PKIB: variants seen among roughly 807,000 people sequenced by gnomAD.
The protein encoded by PKIB is PKI-beta.
A neutral mutation model predicts 4.5 loss-of-function variants in PKIB; 2 were observed. That is an observed-to-expected ratio of 0.44 (90% CI 0.18 to 1.39). The LOEUF is 1.39. Among genes scored for constraint, PKIB ranks in the 40% most tolerant of loss-of-function variants. PKIB has a pLI of 0.27. For synonymous variants in PKIB, 38 were observed against 36.0 expected (o/e 1.06, Z -0.20); for missense variants, 94 against 92.6 (o/e 1.02, Z -0.06).
chr6:122,574,843 G>T (rs890804982), intron 2 of PKIB, among the ~76,000 whole-genome samples: 10 of 152,098 alleles, frequency 6.6e-5, no homozygotes, highest in African/African-American at 2.2e-4. Context: ...CTTAGGCAAA[G>T]AATTCATTAT....
At chr6:122,488,097 C>T (rs1238771149) in intron 2 of PKIB, among the ~76,000 whole-genome samples, 1 of 152,020 alleles carries the variant, frequency 6.6e-6, no homozygotes, top group East Asian at 1.9e-4. Flanking sequence ...ATCCAAGGTT[C>T]TTATCTCAAT....
intron 2 of PKIB, among the ~76,000 whole-genome samples, chr6:122,555,406 T>G (rs975542761): frequency 2.0e-5 from 3 of 152,162 alleles, no homozygotes; most frequent in African/African-American, 7.2e-5. Context: ...GAAGTAATAT[T>G]TGAAGGAGGT....
intron 3 of PKIB, among the ~76,000 whole-genome samples, chr6:122,682,678 C>T (rs1777945162): frequency 2.0e-5 from 3 of 152,058 alleles, no homozygotes; most frequent in Admixed American, 6.5e-5. Flanking sequence ...GGGTGCTGCC[C>T]ATCACCTCTC....
intron 3 of PKIB, among the ~76,000 whole-genome samples, chr6:122,703,937 T>G (rs573390125): frequency 6.3e-4 from 82 of 130,414 alleles, no homozygotes; most frequent in East Asian, 2.5e-3. Context: ...TATATATATA[T>G]ATATAGAGAG....
chr6:122,605,285 A>G (rs535801203), upstream of PKIB, among the ~76,000 whole-genome samples: 1 of 152,150 alleles, frequency 6.6e-6, no homozygotes, highest in South Asian at 2.1e-4. Context: ...GGTGGAACTT[A>G]TAGTTTCTGG....
chr6:122,541,614 C>T (rs1408358424), intron 2 of PKIB, among the ~76,000 whole-genome samples: 7 of 151,922 alleles, frequency 4.6e-5, no homozygotes, highest in Non-Finnish European at 8.8e-5. Flanking sequence ...CTGCCCTTAA[C>T]ATTTTTTCCT....
chr6:122,559,061 C>T (rs564287146), intron 2 of PKIB, among the ~76,000 whole-genome samples: 2 of 152,236 alleles, frequency 1.3e-5, no homozygotes, highest in East Asian at 3.9e-4. Context: ...TCATCCAGGT[C>T]ACTGCAAATG....
intron 2 of PKIB, among the ~76,000 whole-genome samples, chr6:122,552,677 C>G (rs1271804533): frequency 6.6e-6 from 1 of 152,098 alleles, no homozygotes; most frequent in African/African-American, 2.4e-5. Flanking sequence ...CACACCCAAC[C>G]CATCTCAGGC....
intron 3 of PKIB, among the ~76,000 whole-genome samples, chr6:122,707,774 G>A (rs1464413888): frequency 6.6e-6 from 1 of 152,076 alleles, no homozygotes; most frequent in Non-Finnish European, 1.5e-5. Context: ...AAACTAAATG[G>A]TGTGTAAAAT....
chr6:122,674,612 T>A (rs2114955540), intron 2 of PKIB, among the ~76,000 whole-genome samples: 1 of 152,342 alleles, frequency 6.6e-6, no homozygotes, highest in Non-Finnish European at 1.5e-5. Flanking sequence ...GTAATATTGG[T>A]ACAATGCCTT....
intron 2 of PKIB, among the ~76,000 whole-genome samples, chr6:122,526,486 G>A (rs1018027186): frequency 6.6e-6 from 1 of 152,072 alleles, no homozygotes; most frequent in South Asian, 2.1e-4. Flanking sequence ...AATGGATGTT[G>A]TGTTAGTAGG....
rs1039606418 is a variant in PKIB, at chr6:122,554,639, A to G, written c.-247-31282A>G. On this transcript the variant is annotated intron_variant, in intron 2 of 6. Transcript: ENST00000392491. ...AAAGGTCATACAGCCAGTATGTTGGAAAACAAGGACTTTAATCAAGGGCTC... is the reference window on the plus strand; with the variant it reads ...AAAGGTCATACAGCCAGTATGTTGGGAAACAAGGACTTTAATCAAGGGCTC... 3.3e-5 allele frequency among the ~76,000 whole-genome samples: 5 copies of G among 152,324 alleles called. No individual in the cohort carries two copies. In the East Asian group the frequency reaches 9.6e-4, roughly 29 times the overall value.
intron 2 of PKIB, among the ~76,000 whole-genome samples, chr6:122,660,695 T>C (rs1443363071): frequency 6.6e-6 from 1 of 152,178 alleles, no homozygotes; most frequent in East Asian, 1.9e-4. Context: ...TTTGCAATTC[T>C]ATAGCCTAAA....
intron 2 of PKIB, among the ~76,000 whole-genome samples, chr6:122,576,784 G>A (rs1300064947): frequency 6.9e-6 from 1 of 143,924 alleles, no homozygotes; most frequent in Non-Finnish European, 1.5e-5. Context: ...ATTTAACATA[G>A]CACATCTTGA....
At chr6:122,615,800 A>G (rs561895084) in intron 1 of PKIB, among the ~76,000 whole-genome samples, 35 of 152,326 alleles carry the variant, frequency 2.3e-4, no homozygotes, top group African/African-American at 8.4e-4. Flanking sequence ...AGGGATGCCA[A>G]GGTTTGCTGG....
intron 2 of PKIB, among the ~76,000 whole-genome samples, chr6:122,520,661 T>TTCCTCCC (rs1562237597): frequency 9.0e-5 from 5 of 55,540 alleles, no homozygotes; most frequent in Non-Finnish European, 1.9e-4. Context: ...AAGTTTATGT[T>TTCCTCCC]CCCACCCCCC....
At chr6:122,584,946 C>T (rs1310405085) in intron 2 of PKIB, among the ~76,000 whole-genome samples, 2 of 146,992 alleles carry the variant, frequency 1.4e-5, no homozygotes, top group Admixed American at 6.8e-5. Context: ...GCCATGGCAA[C>T]ATCTGTAAGT....
At chr6:122,491,613 GA>G (rs948878090) in intron 2 of PKIB, among the ~76,000 whole-genome samples, 1 of 152,186 alleles carries the variant, frequency 6.6e-6, no homozygotes, top group African/African-American at 2.4e-5. Context: ...GTGAACAGCT[GA>G]AAGATGTCTG....
In PKIB at chr6:122,726,068, G is replaced by A. The variant is rs1037460208; in HGVS notation, c.*873G>A. The A allele has an allele frequency of 6.6e-6, 1 of 151,838 alleles. No homozygotes were observed. Among genetic ancestry groups the A allele is most frequent in the Non-Finnish European group, 1.5e-5 (1 of 67,978 alleles). 9.4% of individuals were successfully genotyped at this position (151,838 alleles called of 1,614,324 possible). On this transcript the variant is annotated 3_prime_UTR_variant, in exon 5 of 5. Transcript: ENST00000368452. The stretch of plus-strand genomic sequence containing the variant: ...ATATTTTTTTAAAGTAGCTAACATA[G>A]CAGTAGGCACTTAAGCATTTAGTCA...
Sources: allele counts gnomAD v4.1 joint callset (sites outside exome capture counted in the v4.1 genomes callset), GRCh38; gene constraint gnomAD v4.1.1; transcripts MANE v1.5; gene names NCBI Gene and HGNC (gene_info 2026-07-23, HGNC 2026-07-21).